The following PKIG variants were observed in gnomAD, a reference collection of about 807,000 sequenced individuals.
PKIG encodes cAMP-dependent protein kinase inhibitor gamma, also known as protein kinase (cAMP-dependent, catalytic) inhibitor gamma.
In PKIG, 1 loss-of-function variant was observed where a neutral mutation model predicts 6.8. That is an observed-to-expected ratio of 0.15 (90% CI 0.05 to 0.69). The LOEUF is 0.69. Ranked by LOEUF, PKIG falls within the 30% of genes least tolerant of loss-of-function variation. The pLI is 0.82. For synonymous variants in PKIG, 39 were observed against 43.0 expected (o/e 0.91, Z 0.36); for missense variants, 77 against 104.0 (o/e 0.74, Z 1.13).
intron 3 of PKIG, among the ~76,000 whole-genome samples, chr20:44,615,341 C>T (rs1375885484): frequency 6.6e-6 from 1 of 152,200 alleles, no homozygotes; most frequent in African/African-American, 2.4e-5. Context: ...ATCAGCCTTC[C>T]CCAATCACAT....
At chr20:44,591,280 G>A (rs554202175) in intron 2 of PKIG, among the ~76,000 whole-genome samples, 5 of 152,296 alleles carry the variant, frequency 3.3e-5, no homozygotes, top group Middle Eastern at 3.4e-3. Context: ...AGTGCAGAGG[G>A]GGTTCCCTGG....
chr20:44,558,574 TTTTCTTTCTTTC>T (rs11377687), intron 1 of PKIG, among the ~76,000 whole-genome samples: 200 of 132,002 alleles, frequency 1.5e-3, no homozygotes, highest in African/African-American at 2.8e-3. Context: ...TTTTTTTCTT[TTTTCTTTCTTTC>T]TTTCTTTCTT....
At chr20:44,532,594 C>T (rs181575688) in intron 1 of PKIG, among the ~76,000 whole-genome samples, 63 of 152,216 alleles carry the variant, frequency 4.1e-4, no homozygotes, top group African/African-American at 1.5e-3. Flanking sequence ...GAGACAGACT[C>T]GTAAACAAGA....
At chr20:44,574,565 TTTG>T (rs1034122069) in intron 1 of PKIG, among the ~76,000 whole-genome samples, 3 of 111,646 alleles carry the variant, frequency 2.7e-5, no homozygotes, top group African/African-American at 1.1e-4. Context: ...GCATGTTTTT[TTTG>T]TTTTTGTTTT....
intron 3 of PKIG, among the ~76,000 whole-genome samples, 197 bp from the exon 4 acceptor site, chr20:44,618,088 A>G (rs999429895): frequency 7.9e-5 from 12 of 152,048 alleles, no homozygotes; most frequent in Non-Finnish European, 1.3e-4. Context: ...AACAAACACT[A>G]TGTGTATTTC....
At chr20:44,575,073 A>T (rs1568817743) in intron 1 of PKIG, among the ~76,000 whole-genome samples, 2 of 151,254 alleles carry the variant, frequency 1.3e-5, no homozygotes, top group Non-Finnish European at 2.9e-5. Context: ...TTTGTTTTTG[A>T]GACAGTCTCG....
chr20:44,601,932 T>TG (rs931824873), intron 2 of PKIG, among the ~76,000 whole-genome samples: 2 of 152,132 alleles, frequency 1.3e-5, no homozygotes, highest in African/African-American at 4.8e-5. Flanking sequence ...TTTACAAAGC[T>TG]GGGGGGAGTA....
At chr20:44,550,371 G>C (rs2064656930) in intron 1 of PKIG, among the ~76,000 whole-genome samples, 1 of 151,478 alleles carries the variant, frequency 6.6e-6, no homozygotes, top group South Asian at 2.1e-4. Context: ...TGGAAATTTA[G>C]CCATATTAAT....
At chr20:44,546,235 G>A (rs2059800964) in intron 1 of PKIG, among the ~76,000 whole-genome samples, 1 of 152,172 alleles carries the variant, frequency 6.6e-6, no homozygotes, top group Non-Finnish European at 1.5e-5. Context: ...GGGTGACAGG[G>A]AGAGACCCTG....
chr20:44,556,423 C>T (rs927310860), intron 1 of PKIG, among the ~76,000 whole-genome samples: 11 of 152,066 alleles, frequency 7.2e-5, no homozygotes, highest in Non-Finnish European at 1.3e-4. Flanking sequence ...AATGCAGTGG[C>T]GCGATCTCGG....
At chr20:44,544,635 A>G (rs2064594059) in intron 1 of PKIG, among the ~76,000 whole-genome samples, 1 of 152,130 alleles carries the variant, frequency 6.6e-6, no homozygotes, top group African/African-American at 2.4e-5. Context: ...CCTTTAAAGT[A>G]CCCTAAGTCC....
At chr20:44,551,484 G>C (rs1323120684) in intron 1 of PKIG, among the ~76,000 whole-genome samples, 1 of 152,204 alleles carries the variant, frequency 6.6e-6, no homozygotes, top group Non-Finnish European at 1.5e-5. Flanking sequence ...AGCTTTACAT[G>C]AGTATCTTGA....
chr20:44,605,431 A>G (rs1371921530), intron 2 of PKIG, among the ~76,000 whole-genome samples: 12 of 147,024 alleles, frequency 8.2e-5, no homozygotes, highest in Non-Finnish European at 1.5e-4. Flanking sequence ...AAAAAAAAAG[A>G]TTCAGAAACA....
intron 2 of PKIG, among the ~76,000 whole-genome samples, chr20:44,613,596 TACTTATTCAC>T (rs757573941): frequency 5.3e-5 from 8 of 152,190 alleles, no homozygotes; most frequent in Non-Finnish European, 2.9e-5. Context: ...TCTGTCCACC[TACTTATTCAC>T]ACCAGAAACC....
chr20:44,590,761 G>A (rs902708424), intron 2 of PKIG, among the ~76,000 whole-genome samples: 6 of 152,180 alleles, frequency 3.9e-5, no homozygotes. Context: ...AGAGCCTGGG[G>A]ATGAGCGCAT....
At chr20:44,566,428 T>TTCTGAC (rs2064811364) in intron 1 of PKIG, among the ~76,000 whole-genome samples, 2 of 152,252 alleles carry the variant, frequency 1.3e-5, no homozygotes, top group Admixed American at 6.5e-5. Context: ...CTTTCAAACT[T>TTCTGAC]TTTGACTTTG....
upstream of PKIG, among the ~76,000 whole-genome samples, chr20:44,582,107 G>A (rs2064953355): frequency 6.6e-6 from 1 of 152,102 alleles, no homozygotes; most frequent in Non-Finnish European, 1.5e-5. Context: ...ACAAACTCAT[G>A]TACTGTGCCC....
In PKIG at chr20:44,614,132, C is replaced by G. The variant is rs114966103; in HGVS notation, c.-23-402C>G. 8.7e-4 allele frequency among the ~76,000 whole-genome samples: 132 copies of G among 152,290 alleles called. No homozygotes were observed. Among genetic ancestry groups the G allele is most frequent in the African/African-American group, 3.1e-3 (127 of 41,558 alleles). ...AGCACCCTGCATTCTCCCTTGAAGC[C>G]TTGAGCACCAAGGCCATGACTTAGG... is the stretch of plus-strand genomic sequence containing the variant. On this transcript the variant is annotated intron_variant, in intron 2 of 3. Coordinates refer to ENST00000372886, the MANE Select transcript of PKIG (RefSeq NM_001281445.2). This position sits in a 1 kb window ranked among gnomAD's most constrained non-coding sequence, Gnocchi z 4.6.
chr20:44,534,345 G>A (rs544807806), intron 1 of PKIG, among the ~76,000 whole-genome samples: 1 of 152,282 alleles, frequency 6.6e-6, no homozygotes, highest in South Asian at 2.1e-4. Flanking sequence ...TGAAAGGAGT[G>A]CACCAGTGTA....
Sources: gnomAD v4.1 joint callset for allele counts (sites outside exome capture counted in the v4.1 genomes callset) on GRCh38, gnomAD v4.1.1 for gene constraint, Gnocchi (gnomAD v3.1) non-coding constraint, MANE v1.5 for transcripts, NCBI Gene and HGNC (gene_info 2026-07-23, HGNC 2026-07-21) for gene names.